ARMC10: variants seen among roughly 807,000 people sequenced by gnomAD.
ARMC10 encodes the protein armadillo repeat-containing protein 10.
In ARMC10, 23 loss-of-function variants were observed where a neutral mutation model predicts 30.2. That is an observed-to-expected ratio of 0.76 (90% CI 0.55 to 1.08). The LOEUF (loss-of-function observed/expected upper bound fraction) is 1.08. Among genes scored for constraint, ARMC10 ranks in the 50% least tolerant of loss-of-function variants. The pLI, the probability that ARMC10 is intolerant of heterozygous loss-of-function variation, is 0.00. For missense variants in ARMC10, 303 were observed against 413.7 expected, an observed-to-expected ratio of 0.73 and a Z score of 2.32; for synonymous variants, 111 against 164.4, an observed-to-expected ratio of 0.68 and a Z score of 2.48.
Position 103,083,810 on chromosome 7 carries a change from G to A in ARMC10, c.373G>A (p.Ala125Thr). ...ERALITLGNN[A>T]AFSVNQAIIR... ...AGCTTTGATTACTTTGGGTAACAAT[G>A]CAGCCTTTTCAGTTAACCAAGTAAG... is the stretch of plus-strand genomic sequence containing the variant. Residue 125 changes from alanine (A) to threonine (T), a missense_variant, in exon 3 of 7, where the codon GCA (alanine) becomes ACA (threonine). Physicochemically the swap from Ala to Thr is moderately conservative, Grantham distance 58. Transcript: ENST00000323716. The A allele has an allele frequency of 6.2e-7, 1 of 1,613,986 alleles. No homozygotes were observed. The highest frequency in any genetic ancestry group is 8.5e-7 in the Non-Finnish European group (1 of 1,179,946).
At position 103,075,360 on chromosome 7, in the gene ARMC10, G is replaced by A; in HGVS notation, c.88G>A (p.Gly30Ser). The A allele has an allele frequency of 7.8e-7, 1 of 1,277,270 alleles. No individual in the cohort carries two copies. Among genetic ancestry groups the A allele is most frequent in the Non-Finnish European group, 9.9e-7 (1 of 1,010,580 alleles). The allele number at this position is 1,277,270 out of a possible 1,614,324, so 79.1% of individuals were successfully genotyped here. A position where few individuals can be genotyped will look rare whatever the true frequency, so the allele number is the denominator to read the frequency against. The change falls in exon 1 of 7, where the codon GGT becomes AGT. Residue 30 changes from glycine to serine, a missense_variant. Physicochemically the swap from Gly to Ser is moderately conservative, Grantham distance 56. Around this residue, in one of 4 missense-constraint regions of ARMC10, gnomAD observed 96 missense variants for 84.2 expected, o/e 1.14. Transcript: ENST00000323716. The part of the protein sequence containing the change: ...ACYCIYRLTR[G>S]RRRGDRELGI... Reference sequence around the variant, plus strand: ...CTACTGCATTTACAGGCTGACCCGGGGTCGGCGGCGGGGCGACCGCGAGCT... The same window carrying A: ...CTACTGCATTTACAGGCTGACCCGGAGTCGGCGGCGGGGCGACCGCGAGCT...
chr7:103,092,683 A>G, intron 5 of ARMC10, 30 bp downstream of exon 5: 1 of 1,458,598 alleles, frequency 6.9e-7, no homozygotes, highest in African/African-American at 1.4e-5. Context: ...CAAGCTTATT[A>G]ACATTGAAAT....
chr7:103,075,530 G>A (rs2129517911), intron 1 of ARMC10, 119 bp downstream of exon 1: 3 of 1,108,768 alleles, frequency 2.7e-6, no homozygotes, highest in East Asian at 3.1e-5. Flanking sequence ...GGGAGAGGCA[G>A]TACTTGTGTG....
chr7:103,091,431 C>T (rs1801314476), intron 4 of ARMC10, among the ~76,000 whole-genome samples: 1 of 152,042 alleles, frequency 6.6e-6, no homozygotes, highest in Non-Finnish European at 1.5e-5. Context: ...TACAAGAGTA[C>T]TACAGCATTG....
chr7:103,088,782 C>T (rs1430186328), intron 4 of ARMC10: 1 of 181,936 alleles, frequency 5.5e-6, no homozygotes, highest in Admixed American at 5.6e-5. Flanking sequence ...CAACCAATTT[C>T]CATTCCAGCT....
At chr7:103,083,476 C>G (rs1236106617) in intron 2 of ARMC10, among the ~76,000 whole-genome samples, 9 of 151,948 alleles carry the variant, frequency 5.9e-5, no homozygotes, top group Admixed American at 5.9e-4. Context: ...TTAAAATTAG[C>G]CGGGTGTGGT....
intron 1 of ARMC10, among the ~76,000 whole-genome samples, 170 bp downstream of exon 1, chr7:103,075,581 C>CT (rs2129517997): frequency 6.6e-6 from 1 of 152,378 alleles, no homozygotes; most frequent in Non-Finnish European, 1.5e-5. Flanking sequence ...CCTTTGCTGA[C>CT]TATACTGGTA....
In ARMC10 at chr7:103,083,922, C is replaced by T. The variant is rs1404931541; in HGVS notation, c.393+92C>T. On this transcript the variant is annotated intron_variant, in intron 3 of 6. Transcript: ENST00000323716. ...AATAAATTACTTAACCTCTCAGACC[C>T]TCAATTTCCTCATCTGTGCAATGTG... The T allele has an allele frequency of 4.6e-6, 7 of 1,522,420 alleles. No individual in the cohort carries two copies. In the South Asian group the frequency reaches 7.1e-5, roughly 15 times the overall value. The allele number at this position is 1,522,420 out of a possible 1,614,324, so 94.3% of individuals were successfully genotyped here.
intron 2 of ARMC10, among the ~76,000 whole-genome samples, chr7:103,080,123 ACTC>A (rs1372318391): frequency 6.6e-6 from 1 of 152,114 alleles, no homozygotes; most frequent in Non-Finnish European, 1.5e-5. Context: ...CACATGTTTG[ACTC>A]CTCACCTGTG....
chr7:103,096,586 T>A (rs562005064), intron 5 of ARMC10: 1 of 152,264 alleles, frequency 6.6e-6, no homozygotes, highest in South Asian at 2.0e-4. Flanking sequence ...TTGTCGGGGG[T>A]GAAGATGGGG....
intron 4 of ARMC10, chr7:103,087,688 C>CT (rs2129522998): frequency 1.3e-6 from 1 of 799,738 alleles, no homozygotes; most frequent in Non-Finnish European, 1.5e-6. Flanking sequence ...AATAACCAAA[C>CT]TTTATTTCCT....
intron 2 of ARMC10, among the ~76,000 whole-genome samples, chr7:103,079,976 A>G (rs1324400602): frequency 1.3e-5 from 2 of 152,212 alleles, no homozygotes; most frequent in African/African-American, 2.4e-5. Flanking sequence ...TTGTCTTGCT[A>G]CGTTATAATG....
intron 2 of ARMC10, 72 bp downstream of exon 2, chr7:103,075,953 G>T: frequency 8.4e-7 from 1 of 1,186,142 alleles, no homozygotes; most frequent in East Asian, 2.8e-5. Context: ...GCATGATTCG[G>T]TTTCTGTCCA....
At position 103,091,364 on chromosome 7, in the gene ARMC10, G is replaced by C. The variant is rs1374343513; in HGVS notation, c.529-1113G>C. ...AAAAGAAAGCTCATGGCCAGACACA[G>C]AAAGTAGAGTTTCAGAAAAGTTTCC... is the stretch of plus-strand genomic sequence containing the variant. On this transcript the variant is annotated intron_variant, in intron 4 of 6. Transcript: ENST00000323716. Among the ~76,000 whole-genome samples the C allele has an allele frequency of 2.0e-5, 3 of 152,190 alleles. No homozygotes were observed. The East Asian group carries it at 5.8e-4, about 29-fold the overall frequency.
At chr7:103,075,743 G>C (rs748323706) in intron 1 of ARMC10, 34 bp from the exon 2 acceptor site, 2 of 1,489,826 alleles carry the variant, frequency 1.3e-6, no homozygotes, top group Non-Finnish European at 1.8e-6. Context: ...GGCTGTTGAG[G>C]GGCCCAGAGC....
intron 4 of ARMC10, chr7:103,089,630 C>G (rs1391202969): frequency 6.5e-6 from 1 of 153,682 alleles, no homozygotes; most frequent in Non-Finnish European, 1.5e-5. Flanking sequence ...GATAAAAGCT[C>G]TAGAGTGGGA....
chr7:103,085,606 C>CTTTTTTTTTTTTTTTT (rs10581217), intron 3 of ARMC10, among the ~76,000 whole-genome samples: 3 of 130,584 alleles, frequency 2.3e-5, no homozygotes, highest in African/African-American at 8.5e-5. Flanking sequence ...CATTTCTCTT[C>CTTTTTTTTTTTTTTTT]TTTTTTTTTT....
intron 2 of ARMC10, among the ~76,000 whole-genome samples, chr7:103,077,121 G>A (rs1585714420): frequency 6.6e-6 from 1 of 152,180 alleles, no homozygotes; most frequent in East Asian, 1.9e-4. Context: ...TTTGAACTTG[G>A]CTTAAGCAGT....
chr7:103,085,606 C>CTTTTTTTTTTTTT (rs10581217), intron 3 of ARMC10, among the ~76,000 whole-genome samples: 2 of 130,586 alleles, frequency 1.5e-5, no homozygotes, highest in African/African-American at 5.7e-5. Context: ...CATTTCTCTT[C>CTTTTTTTTTTTTT]TTTTTTTTTT....
Sources: gnomAD v4.1 joint callset for allele counts (sites outside exome capture counted in the v4.1 genomes callset) on GRCh38, gnomAD v4.1.1 for gene constraint, gnomAD v4.1.1 regional missense constraint, MANE v1.5 for transcripts, NCBI Gene and HGNC (gene_info 2026-07-23, HGNC 2026-07-21) for gene names.